The following CPNE8 variants were observed in gnomAD, a reference collection of about 807,000 sequenced individuals.
CPNE8 encodes the protein copine-8.
In CPNE8, 45 loss-of-function variants were observed where a neutral mutation model predicts 81.5. The observed-to-expected ratio is 0.55, with a 90% confidence interval of 0.44 to 0.71. CPNE8 has a LOEUF of 0.71. Ranked by LOEUF, CPNE8 falls within the 30% of genes least tolerant of loss-of-function variation. The pLI, the probability that CPNE8 is intolerant of heterozygous loss-of-function variation, is 0.00. For synonymous variants in CPNE8, 252 were observed against 226.3 expected, an observed-to-expected ratio of 1.11 and a Z score of -1.02; for missense variants, 594 against 672.1, an observed-to-expected ratio of 0.88 and a Z score of 1.28.
At chr12:38,658,831 T>C (rs577116081) in intron 19 of CPNE8, among the ~76,000 whole-genome samples, 7 of 152,268 alleles carry the variant, frequency 4.6e-5, no homozygotes, top group African/African-American at 1.4e-4. Context: ...ATAAAAACCT[T>C]TACAGGCAAG....
intron 6 of CPNE8, among the ~76,000 whole-genome samples, chr12:38,784,808 T>A (rs567058253): frequency 1.3e-5 from 2 of 152,072 alleles, no homozygotes; most frequent in Non-Finnish European, 2.9e-5. Flanking sequence ...GAATAAGACA[T>A]AAAGAATTTC....
chr12:38,679,812 A>G (rs1280781788), intron 16 of CPNE8: 3 of 437,676 alleles, frequency 6.9e-6, no homozygotes, highest in African/African-American at 2.2e-5. Context: ...TATTTTAAAA[A>G]TATTATATAT....
chr12:38,888,101 G>A (rs991145670), intron 1 of CPNE8, among the ~76,000 whole-genome samples: 8 of 152,142 alleles, frequency 5.3e-5, no homozygotes, highest in African/African-American at 1.9e-4. Flanking sequence ...AAAGCTGGAG[G>A]CTAACATCAC....
chr12:38,794,196 A>T (rs1324095278), intron 6 of CPNE8, among the ~76,000 whole-genome samples: 1 of 152,170 alleles, frequency 6.6e-6, no homozygotes, highest in Non-Finnish European at 1.5e-5. Flanking sequence ...AAATAGACAA[A>T]TGGGGCCTGC....
At chr12:38,889,544 A>G (rs567494963) in intron 1 of CPNE8, among the ~76,000 whole-genome samples, 10 of 152,146 alleles carry the variant, frequency 6.6e-5, no homozygotes, top group South Asian at 2.1e-4. Context: ...GAGGCTGAAA[A>G]TTTAAGTCAG....
At chr12:38,733,861 C>T (rs770599703) in intron 10 of CPNE8, among the ~76,000 whole-genome samples, 4 of 151,828 alleles carry the variant, frequency 2.6e-5, no homozygotes, top group South Asian at 2.1e-4. Context: ...AGTGGGAAAA[C>T]GGTATTATGC....
intron 3 of CPNE8, 81 bp from the exon 4 acceptor site, chr12:38,848,743 C>A: frequency 2.1e-6 from 3 of 1,406,668 alleles, no homozygotes; most frequent in East Asian, 3.0e-5. Context: ...TCACACAGTT[C>A]TTTTAAAAAA....
intron 10 of CPNE8, among the ~76,000 whole-genome samples, chr12:38,742,924 G>A (rs976127947): frequency 4.6e-4 from 70 of 151,744 alleles, no homozygotes; most frequent in African/African-American, 1.5e-3. Context: ...GTTTATAATA[G>A]TTTATTTCAT....
At chr12:38,732,362 G>A (rs1201891525) in intron 10 of CPNE8, among the ~76,000 whole-genome samples, 1 of 151,914 alleles carries the variant, frequency 6.6e-6, no homozygotes, top group East Asian at 1.9e-4. Context: ...CAACTGCAAT[G>A]GTCAGGTTTG....
intron 15 of CPNE8, among the ~76,000 whole-genome samples, chr12:38,689,661 T>C (rs1939625044): frequency 6.6e-6 from 1 of 152,232 alleles, no homozygotes; most frequent in South Asian, 2.1e-4. Flanking sequence ...CATACATTTG[T>C]ATAAATGCCA....
intron 6 of CPNE8, among the ~76,000 whole-genome samples, chr12:38,796,956 T>C (rs1942494903): frequency 6.6e-6 from 1 of 152,076 alleles, no homozygotes; most frequent in South Asian, 2.1e-4. Context: ...AGCACAGCAG[T>C]ATGAGATCAA....
At chr12:38,842,668 C>G (rs990731998) in intron 4 of CPNE8, among the ~76,000 whole-genome samples, 1 of 150,846 alleles carries the variant, frequency 6.6e-6, no homozygotes, top group East Asian at 2.0e-4. Context: ...CTCCGCCTCC[C>G]CGGTCCAAGT....
chr12:38,669,006 A>G (rs1591998941), intron 19 of CPNE8, among the ~76,000 whole-genome samples: 1 of 151,716 alleles, frequency 6.6e-6, no homozygotes, highest in East Asian at 2.0e-4. Context: ...GTGAGCCGAG[A>G]TCACACCACT....
chr12:38,815,694 A>G (rs1943012836), intron 6 of CPNE8, among the ~76,000 whole-genome samples: 1 of 152,212 alleles, frequency 6.6e-6, no homozygotes, highest in Non-Finnish European at 1.5e-5. Flanking sequence ...ATGCTCATCA[A>G]AAAATCCATC....
chr12:38,742,236 T>C (rs1255560748), intron 10 of CPNE8, among the ~76,000 whole-genome samples: 2 of 152,260 alleles, frequency 1.3e-5, no homozygotes, highest in African/African-American at 2.4e-5. Context: ...CATGTATGTT[T>C]ATTGCGGCAC....
chr12:38,746,396 T>A (rs1180935402), intron 10 of CPNE8, among the ~76,000 whole-genome samples: 1 of 152,224 alleles, frequency 6.6e-6, no homozygotes, highest in Non-Finnish European at 1.5e-5. Context: ...TGTTACAATA[T>A]AAATAAACTG....
chr12:38,690,835 G>A (rs1253394840), intron 15 of CPNE8, among the ~76,000 whole-genome samples: 2 of 152,124 alleles, frequency 1.3e-5, no homozygotes, highest in East Asian at 3.9e-4. Flanking sequence ...TTCAGACTTA[G>A]AATCACATGA....
At chr12:38,716,523 A>G (rs900979425) in intron 13 of CPNE8, among the ~76,000 whole-genome samples, 1 of 152,018 alleles carries the variant, frequency 6.6e-6, no homozygotes, top group Non-Finnish European at 1.5e-5. Context: ...GAGAGCGCAT[A>G]AAAATAAAAA....
intron 5 of CPNE8, among the ~76,000 whole-genome samples, chr12:38,833,364 A>AG (rs1157747822): frequency 6.6e-6 from 1 of 151,340 alleles, no homozygotes; most frequent in Admixed American, 6.6e-5. Context: ...AAAAAAAAAA[A>AG]AAAAAAAAGA....
Sources: allele counts gnomAD v4.1 joint callset (sites outside exome capture counted in the v4.1 genomes callset), GRCh38; gene constraint gnomAD v4.1.1; transcripts MANE v1.5; gene names NCBI Gene and HGNC (gene_info 2026-07-23, HGNC 2026-07-21).